Variants in GALNT13 observed in about 807,000 individuals in gnomAD.
GALNT13 encodes UDP-GalNAc:polypeptide N-acetylgalactosaminyltransferase 13.
In GALNT13, 28 loss-of-function variants were observed where a neutral mutation model predicts 64.2. That is an observed-to-expected ratio of 0.44 (90% CI 0.32 to 0.60). The LOEUF (loss-of-function observed/expected upper bound fraction) is 0.60. GALNT13 is among the 20% of genes least tolerant of loss of function. The probability of loss-of-function intolerance (pLI) is 0.05; values close to 1 mark genes in which losing one functional copy is unlikely to be tolerated. For missense variants in GALNT13, 577 were observed against 669.8 expected (o/e 0.86, Z 1.53); for synonymous variants, 214 against 224.6 (o/e 0.95, Z 0.42).
At chr2:153,353,410 A>G in the GALNT13 span, among the ~76,000 whole-genome samples, 2 of 152,118 alleles carry the variant, frequency 1.3e-5, no homozygotes, top group African/African-American at 4.8e-5. Flanking sequence ...ACACAATTTA[A>G]TTTCCTCCTT....
At chr2:153,393,947 TACACAC>T in the GALNT13 span, among the ~76,000 whole-genome samples, 186 of 128,266 alleles carry the variant, frequency 1.5e-3, 1 homozygote, top group Non-Finnish European at 2.2e-3. Flanking sequence ...TCTCTCTGTC[TACACAC>T]ACACACACAC....
At chr2:153,217,718 C>T in the GALNT13 span, among the ~76,000 whole-genome samples, 1 of 152,116 alleles carries the variant, frequency 6.6e-6, no homozygotes, top group South Asian at 2.1e-4. Context: ...TCTTACCCTA[C>T]ATGTTTCCCC....
At chr2:153,256,324 C>T in the GALNT13 span, among the ~76,000 whole-genome samples, 22,308 of 152,114 alleles carry the variant, frequency 0.15, 2,061 homozygotes, top group Non-Finnish European at 0.21. Flanking sequence ...CCATCAGCTC[C>T]TTTAAGCACT....
Position 154,004,256 on chromosome 2 carries a change from A to G in GALNT13, c.142+59617A>G, listed in dbSNP as rs559671621. 2.6e-5 allele frequency among the ~76,000 whole-genome samples: 4 copies of G among 151,624 alleles called. 1 individual carries two copies. Among genetic ancestry groups the G allele is most frequent in the South Asian group, 2.1e-4 (1 of 4,788 alleles). On this transcript the variant is annotated intron_variant, in intron 3 of 12. Transcript: ENST00000392825. ...GAGTCTTGCTCTGTCTCCAGGCTGG[A>G]GTGCAGTGGTGTGATCTCAGCTCAC...
At chr2:153,767,342 C>T in the GALNT13 span, among the ~76,000 whole-genome samples, 4 of 152,054 alleles carry the variant, frequency 2.6e-5, no homozygotes, top group Admixed American at 2.6e-4. Flanking sequence ...TTTCTTTATC[C>T]AATCAATCTT....
the GALNT13 span, among the ~76,000 whole-genome samples, chr2:153,699,955 A>T: frequency 6.6e-6 from 1 of 152,210 alleles, no homozygotes; most frequent in Non-Finnish European, 1.5e-5. Flanking sequence ...TATTCAAAAC[A>T]ATTGAAAAGG....
chr2:153,838,121 T>G, the GALNT13 span, among the ~76,000 whole-genome samples: 1 of 152,154 alleles, frequency 6.6e-6, no homozygotes, highest in Admixed American at 6.6e-5. Flanking sequence ...TACTGTGTTG[T>G]ATGAGTTCTT....
intron 3 of GALNT13, among the ~76,000 whole-genome samples, chr2:153,980,021 A>G (rs1314908206): frequency 6.6e-6 from 1 of 152,192 alleles, no homozygotes; most frequent in East Asian, 1.9e-4. Flanking sequence ...CTTAAAAGTT[A>G]AAGACAGAAT....
the GALNT13 span, among the ~76,000 whole-genome samples, chr2:153,252,076 C>T: frequency 6.7e-6 from 1 of 150,180 alleles, no homozygotes. Context: ...AACTAGTTTA[C>T]AGTTCCACCA....
chr2:153,926,657 A>C (rs1216523688), intron 2 of GALNT13, among the ~76,000 whole-genome samples: 5 of 152,000 alleles, frequency 3.3e-5, no homozygotes, highest in Non-Finnish European at 1.5e-5. Flanking sequence ...TTTCTTTCTC[A>C]TTTATTCTGT....
At chr2:153,222,332 T>TGGGGGGGGGGGGGGGGGGGGGGGGG in the GALNT13 span, among the ~76,000 whole-genome samples, 10 of 103,788 alleles carry the variant, frequency 9.6e-5, no homozygotes, top group Non-Finnish European at 1.8e-4. Flanking sequence ...GGGGGTGGGG[T>TGGGGGGGGGGGGGGGGGGGGGGGGG]GGGGGGGGGG....
the GALNT13 span, among the ~76,000 whole-genome samples, chr2:153,317,664 T>C: frequency 6.6e-6 from 1 of 152,200 alleles, no homozygotes; most frequent in Non-Finnish European, 1.5e-5. Flanking sequence ...AGGCAGTTAC[T>C]CTCCCTTTTA....
the GALNT13 span, among the ~76,000 whole-genome samples, chr2:153,179,022 C>T: frequency 2.6e-5 from 4 of 152,040 alleles, no homozygotes; most frequent in African/African-American, 7.2e-5. Context: ...GGATTACAGG[C>T]GTCAGCCACC....
the GALNT13 span, among the ~76,000 whole-genome samples, chr2:153,436,375 A>C: frequency 6.6e-6 from 1 of 152,010 alleles, no homozygotes; most frequent in Non-Finnish European, 1.5e-5. Flanking sequence ...CTCTTTTTCT[A>C]TTGATTGGAA....
At chr2:153,791,403 C>T in the GALNT13 span, among the ~76,000 whole-genome samples, 11 of 152,018 alleles carry the variant, frequency 7.2e-5, no homozygotes, top group East Asian at 1.9e-3. Flanking sequence ...TTTGCACCAA[C>T]CTAATATTAA....
chr2:154,195,397 C>T (rs1307940094), intron 4 of GALNT13, among the ~76,000 whole-genome samples: 2 of 152,070 alleles, frequency 1.3e-5, no homozygotes, highest in Non-Finnish European at 2.9e-5. Context: ...TCCTTCGGGG[C>T]TCTTTCTTTT....
At chr2:154,386,773 T>C (rs2105343065) in intron 9 of GALNT13, among the ~76,000 whole-genome samples, 1 of 152,168 alleles carries the variant, frequency 6.6e-6, no homozygotes, top group East Asian at 1.9e-4. Context: ...CTACTGCAAA[T>C]ACTCACTTTT....
intron 3 of GALNT13, among the ~76,000 whole-genome samples, chr2:154,014,777 C>A (rs1389966261): frequency 1.3e-5 from 2 of 150,848 alleles, no homozygotes; most frequent in Non-Finnish European, 3.0e-5. Context: ...GGACTACAGG[C>A]GCCCACCACC....
At chr2:153,450,424 AT>A in the GALNT13 span, among the ~76,000 whole-genome samples, 1 of 152,198 alleles carries the variant, frequency 6.6e-6, no homozygotes, top group Non-Finnish European at 1.5e-5. Flanking sequence ...CCATGATCAA[AT>A]TTAACACTAG....
Sources: allele counts gnomAD v4.1 joint callset (sites outside exome capture counted in the v4.1 genomes callset), GRCh38; gene constraint gnomAD v4.1.1; transcripts MANE v1.5; gene names NCBI Gene and HGNC (gene_info 2026-07-23, HGNC 2026-07-21).